Variants in ACOT12 observed in about 807,000 individuals in gnomAD.
The protein encoded by ACOT12 is acetyl-coenzyme A thioesterase.
Under a neutral mutation model 67.7 loss-of-function variants are expected in ACOT12, and 51 were observed. That is an observed-to-expected ratio of 0.75 (90% confidence interval 0.60 to 0.95). ACOT12 has a LOEUF of 0.95. Among genes scored for constraint, ACOT12 ranks in the 40% least tolerant of loss-of-function variants. The pLI is 0.00. For missense variants in ACOT12, 734 were observed against 708.1 expected (o/e 1.04, Z -0.41); for synonymous variants, 251 against 244.6 (o/e 1.03, Z -0.24).
intron 3 of ACOT12, among the ~76,000 whole-genome samples, chr5:81,370,673 C>A (rs989636308): frequency 6.6e-6 from 1 of 152,166 alleles, no homozygotes; most frequent in African/African-American, 2.4e-5. Flanking sequence ...ATCCCTCCAG[C>A]CCTCAGAGAA....
chr5:81,362,261 G>A (rs996750165), intron 4 of ACOT12, among the ~76,000 whole-genome samples: 1 of 151,044 alleles, frequency 6.6e-6, no homozygotes, highest in African/African-American at 2.4e-5. Flanking sequence ...TGCCTCCCAG[G>A]TTCAAGTGAG....
At chr5:81,385,714 C>T (rs746463648) in intron 2 of ACOT12, 43 bp downstream of exon 2, 10 of 1,596,946 alleles carry the variant, frequency 6.3e-6, no homozygotes, top group Admixed American at 1.7e-5. Context: ...CCAGATGAAC[C>T]CACAAACCCA....
rs71000823 is a variant in ACOT12, at chr5:81,387,532, C to CTT, written c.128-1708_128-1707dup. Among the ~76,000 whole-genome samples the CTT allele has an allele frequency of 1.7e-3, 218 of 127,264 alleles. 3 individuals carry two copies. In the South Asian group the frequency reaches 0.017, roughly 10 times the overall value. 83.5% of individuals were successfully genotyped at this position (127,264 alleles called of 152,430 possible). A position where few individuals can be genotyped will look rare whatever the true frequency, so the allele number is the denominator to read the frequency against. ...ATACCAACATGAGTATCTTGAGTAT[C>CTT]TTTTTTTTTTTTTTTTTTTTAAGAG... On this transcript the variant is annotated intron_variant, in intron 1 of 14. Coordinates refer to ENST00000307624, the MANE Select transcript of ACOT12 (RefSeq NM_130767.3).
At chr5:81,328,516 C>T (rs750933184), downstream of ACOT12, among the ~76,000 whole-genome samples, 19 of 152,224 alleles carry the variant, frequency 1.2e-4, no homozygotes, top group Non-Finnish European at 2.2e-4. Flanking sequence ...TTAATTTTGG[C>T]ATTGTTTTAG....
intron 11 of ACOT12, among the ~76,000 whole-genome samples, chr5:81,341,951 A>T (rs1235417317): frequency 6.6e-6 from 1 of 152,214 alleles, no homozygotes; most frequent in Non-Finnish European, 1.5e-5. Context: ...CTGTGGAAGA[A>T]ATGTCACAAG....
At chr5:81,358,585 C>T (rs1759797817) in intron 5 of ACOT12, among the ~76,000 whole-genome samples, 1 of 152,224 alleles carries the variant, frequency 6.6e-6, no homozygotes, top group Non-Finnish European at 1.5e-5. Context: ...CACAGTGGCT[C>T]ATGCCTGTAA....
intron 4 of ACOT12, 30 bp downstream of exon 4, chr5:81,363,758 G>T: frequency 6.5e-7 from 1 of 1,530,104 alleles, no homozygotes; most frequent in Non-Finnish European, 9.0e-7. Flanking sequence ...TGAATTACAT[G>T]CTAGATACAT....
downstream of ACOT12, among the ~76,000 whole-genome samples, chr5:81,327,314 A>G (rs992078930): frequency 6.6e-6 from 1 of 152,108 alleles, no homozygotes; most frequent in Non-Finnish European, 1.5e-5. Context: ...AGTACAGGGT[A>G]AACTATATTC....
At chr5:81,382,083 C>A (rs781475029) in intron 2 of ACOT12, among the ~76,000 whole-genome samples, 3 of 151,982 alleles carry the variant, frequency 2.0e-5, no homozygotes, top group Non-Finnish European at 4.4e-5. Context: ...TCATGATATT[C>A]AGCATAAAAT....
rs766028320 is a variant in ACOT12, at chr5:81,343,876, T to C, written c.986A>G (p.Tyr329Cys). The C allele has an allele frequency of 1.9e-6, 3 of 1,612,852 alleles. No individual in the cohort carries two copies. The East Asian group carries it at 6.7e-5, about 36-fold the overall frequency. Residue 329 changes from tyrosine (Y) to cysteine (C), a missense_variant, in exon 10 of 15, where the codon TAT becomes TGT. Tyr to Cys is a radical substitution (Grantham distance 194, BLOSUM62 -2). Coordinates refer to ENST00000307624, the MANE Select transcript of ACOT12 (RefSeq NM_130767.3). ...ARKRIRLGRKYVISHKEEVPL... is the reference protein window; with the variant it reads ...ARKRIRLGRKCVISHKEEVPL... The stretch of plus-strand genomic sequence containing the variant: ...AACCTCTTCTTTGTGGGAAATAACA[T>C]ATTTTCTGGAAAAAAAAATTAAAGT...
chr5:81,341,806 A>C (rs1254398082), intron 11 of ACOT12, among the ~76,000 whole-genome samples: 2 of 152,166 alleles, frequency 1.3e-5, no homozygotes, highest in African/African-American at 4.8e-5. Context: ...AAAACACTGT[A>C]ATAGGTCCTA....
chr5:81,343,156 C>T (rs1759256422), intron 10 of ACOT12, among the ~76,000 whole-genome samples: 1 of 151,190 alleles, frequency 6.6e-6, no homozygotes. Flanking sequence ...CACTGCACTC[C>T]AGCCTGGGCG....
intron 2 of ACOT12, among the ~76,000 whole-genome samples, chr5:81,380,541 G>A (rs1234040953): frequency 1.5e-5 from 2 of 134,458 alleles, no homozygotes; most frequent in Non-Finnish European, 3.1e-5. Flanking sequence ...TTCAGCCTGG[G>A]TGACAGAGTG....
intron 4 of ACOT12, among the ~76,000 whole-genome samples, chr5:81,361,112 A>T (rs1051425995): frequency 6.6e-6 from 1 of 151,054 alleles, no homozygotes; most frequent in African/African-American, 2.4e-5. Flanking sequence ...AATAAGAAAT[A>T]AGCTGGTGAT....
rs1004447115 is a variant in ACOT12, at chr5:81,394,132, T to C, written c.-18A>G. ...CGCTCCATGGCCAGGGCGAGAGCGCTACGCCTGCGGCCCCCGACACCCCAC... is the reference window on the plus strand; with the variant it reads ...CGCTCCATGGCCAGGGCGAGAGCGCCACGCCTGCGGCCCCCGACACCCCAC... On this transcript the variant is annotated 5_prime_UTR_variant, in exon 1 of 15. Transcript: ENST00000307624. 69 of 1,413,158 alleles carry C rather than the reference T, an allele frequency of 4.9e-5. No homozygotes were observed. The highest frequency in any genetic ancestry group is 5.4e-5 in the Non-Finnish European group (59 of 1,085,872). The allele number at this position is 1,413,158 out of a possible 1,614,324, so 87.5% of individuals were successfully genotyped here. A position where few individuals can be genotyped will look rare whatever the true frequency, so the allele number is the denominator to read the frequency against.
chr5:81,367,504 T>C (rs1760117833), intron 3 of ACOT12, among the ~76,000 whole-genome samples: 1 of 152,082 alleles, frequency 6.6e-6, no homozygotes, highest in South Asian at 2.1e-4. Context: ...TATTCGAAGG[T>C]AGTCTCAGAT....
chr5:81,376,567 C>T (rs567687054), intron 2 of ACOT12, among the ~76,000 whole-genome samples: 5 of 151,542 alleles, frequency 3.3e-5, no homozygotes, highest in South Asian at 2.1e-4. Context: ...TTTCTGAAAA[C>T]GTCAGCAAAT....
At position 81,386,956 on chromosome 5, in the gene ACOT12, G is replaced by A. The variant is rs1760739581; in HGVS notation, c.128-1130C>T. 2.1e-5 allele frequency among the ~76,000 whole-genome samples: 3 copies of A among 143,192 alleles called. No individual in the cohort carries two copies. In the South Asian group the frequency reaches 6.8e-4, roughly 32 times the overall value. 93.9% of individuals were successfully genotyped at this position (143,192 alleles called of 152,430 possible). A position where few individuals can be genotyped will look rare whatever the true frequency, so the allele number is the denominator to read the frequency against. ...ATTCAATGCACCAAACATTTGTTAA[G>A]TTCTTGCTGATTTCCAGACACTGAG... is the stretch of plus-strand genomic sequence containing the variant. On this transcript the variant is annotated intron_variant, in intron 1 of 14. Transcript: ENST00000307624.
intron 1 of ACOT12, among the ~76,000 whole-genome samples, chr5:81,390,746 C>T (rs1334311492): frequency 2.0e-5 from 3 of 152,170 alleles, no homozygotes; most frequent in African/African-American, 7.2e-5. Context: ...AAGTGATCCA[C>T]CTGCCTCAGC....
Sources: allele counts gnomAD v4.1 joint callset (sites outside exome capture counted in the v4.1 genomes callset), GRCh38; gene constraint gnomAD v4.1.1; transcripts MANE v1.5; gene names NCBI Gene and HGNC (gene_info 2026-07-23, HGNC 2026-07-21).